The following DAB2IP variants were observed in gnomAD, a reference collection of about 807,000 sequenced individuals.
DAB2IP encodes the protein DAB2 interacting protein, also known as disabled homolog 2-interacting protein.
DAB2IP carries 28 observed loss-of-function variants against 107.2 expected under a neutral mutation model. The observed-to-expected ratio is 0.26, with a 90% CI of 0.19 to 0.36. DAB2IP has a LOEUF of 0.36. Ranked by LOEUF, DAB2IP falls within the 10% of genes least tolerant of loss-of-function variation. The probability of loss-of-function intolerance (pLI) is 1.00; values close to 1 mark genes in which losing one functional copy is unlikely to be tolerated. For missense variants in DAB2IP, 1,400 were observed against 1,644.7 expected, an observed-to-expected ratio of 0.85 and a Z score of 2.57; for synonymous variants, 755 against 706.4, an observed-to-expected ratio of 1.07 and a Z score of -1.09.
intron 1 of DAB2IP, among the ~76,000 whole-genome samples, chr9:121,572,785 C>G (rs520533): frequency 0.3 from 46,099 of 151,414 alleles, 7,773 homozygotes; most frequent in African/African-American, 0.4. Flanking sequence ...CGTACAGGAG[C>G]GGGGGTTGGG....
At chr9:121,666,867 A>AACACAC (rs59290421) in intron 1 of DAB2IP, among the ~76,000 whole-genome samples, 2,777 of 128,588 alleles carry the variant, frequency 0.022, 42 homozygotes, top group Middle Eastern at 0.037. Context: ...CCCCAGCCCC[A>AACACAC]ACACACACAC....
chr9:121,624,961 C>A (rs943874353), intron 1 of DAB2IP, among the ~76,000 whole-genome samples: 8 of 152,176 alleles, frequency 5.3e-5, no homozygotes, highest in African/African-American at 1.7e-4. Context: ...TATAAACAGG[C>A]CTTCCTGGGC....
At chr9:121,753,042 C>G (rs1833232550) in intron 3 of DAB2IP, 1 of 152,130 alleles carries the variant, frequency 6.6e-6, no homozygotes, top group Non-Finnish European at 1.5e-5. Context: ...CTCTTGGGCT[C>G]GTGGAGATTC....
At chr9:121,682,014 A>C (rs1828626285) in intron 2 of DAB2IP, among the ~76,000 whole-genome samples, 1 of 152,214 alleles carries the variant, frequency 6.6e-6, no homozygotes, top group Admixed American at 6.5e-5. Context: ...GTAAAACATC[A>C]GTAAAGATCT....
At chr9:121,716,473 A>T (rs1028833089) in intron 3 of DAB2IP, among the ~76,000 whole-genome samples, 1 of 152,230 alleles carries the variant, frequency 6.6e-6, no homozygotes, top group African/African-American at 2.4e-5. Flanking sequence ...CGAGAGGCTA[A>T]GTGTTTATGT....
At chr9:121,753,514 C>T (rs529550447) in intron 3 of DAB2IP, among the ~76,000 whole-genome samples, 20 of 152,314 alleles carry the variant, frequency 1.3e-4, no homozygotes, top group African/African-American at 4.6e-4. Flanking sequence ...GGGCATCAGC[C>T]CCCAGATACC....
At chr9:121,694,097 G>C (rs932738399) in intron 2 of DAB2IP, among the ~76,000 whole-genome samples, 1 of 152,164 alleles carries the variant, frequency 6.6e-6, no homozygotes, top group Non-Finnish European at 1.5e-5. Flanking sequence ...GGAGTGAGCG[G>C]GCCTCCCTTT....
At chr9:121,779,645 C>CGGGTCCTCTGTGATTCCCAGTGT (rs1835450611) in intron 14 of DAB2IP, among the ~76,000 whole-genome samples, 1 of 152,322 alleles carries the variant, frequency 6.6e-6, no homozygotes, top group East Asian at 1.9e-4. Context: ...TTTCCTTCCC[C>CGGGTCCTCTGTGATTCCCAGTGT]GGGTCCTCTG....
At chr9:121,739,080 T>A (rs569820344) in intron 3 of DAB2IP, among the ~76,000 whole-genome samples, 1 of 152,360 alleles carries the variant, frequency 6.6e-6, no homozygotes, top group African/African-American at 2.4e-5. Flanking sequence ...ATTTGCTAGC[T>A]GCATGAGCAA....
chr9:121,686,681 G>T (rs767285436), intron 2 of DAB2IP, among the ~76,000 whole-genome samples: 1 of 152,148 alleles, frequency 6.6e-6, no homozygotes, highest in Admixed American at 6.5e-5. Context: ...GCTCAGGCAA[G>T]TTGCCCCACT....
chr9:121,752,916 G>T (rs1031441604), intron 3 of DAB2IP: 2 of 152,250 alleles, frequency 1.3e-5, no homozygotes, highest in African/African-American at 4.8e-5. Context: ...ATGGACCCAA[G>T]AGGTTTGGGT....
rs756267555 is a variant in DAB2IP, at chr9:121,635,500, C to T, written c.41-43178C>T. On this transcript the variant is annotated intron_variant, in intron 1 of 16. Transcript: ENST00000259371. This position sits in a 1 kb window ranked among gnomAD's most constrained non-coding sequence, Gnocchi z 4.3. ...TGTGGACCTACTGTGTGCTTAGCCC[C>T]GTGCAGGGCCTGGGCATGGAAACGG... Among the ~76,000 whole-genome samples, 5 of 152,198 alleles carry T rather than the reference C, an allele frequency of 3.3e-5. No individual in the cohort carries two copies. The highest frequency in any genetic ancestry group is 1.2e-4 in the African/African-American group (5 of 41,452).
At chr9:121,617,889 C>A (rs1281715462) in intron 1 of DAB2IP, among the ~76,000 whole-genome samples, 5 of 152,194 alleles carry the variant, frequency 3.3e-5, no homozygotes, top group Non-Finnish European at 5.9e-5. Flanking sequence ...GCCGGTTTCT[C>A]TGGTTCCATT....
chr9:121,774,430 C>A lies in DAB2IP; in HGVS notation c.3120+18C>A. ...CAGAAAAGGTAAAACTGGACCCTGGCGGCTCGGGACAGGGCGGGGCTGCCT... is the reference window on the plus strand; with the variant it reads ...CAGAAAAGGTAAAACTGGACCCTGGAGGCTCGGGACAGGGCGGGGCTGCCT... On this transcript the variant is annotated intron_variant, in intron 13 of 15. Coordinates refer to ENST00000408936, the Ensembl canonical transcript of DAB2IP. 1.9e-6 allele frequency: 3 copies of A among 1,599,998 alleles called. No homozygotes were observed. The highest frequency in any genetic ancestry group is 1.7e-4 in the Middle Eastern group (1 of 5,992).
chr9:121,774,106 G>T (rs982929932), intron 12 of DAB2IP, among the ~76,000 whole-genome samples, 154 bp from the exon 13 acceptor site: 1 of 152,174 alleles, frequency 6.6e-6, no homozygotes, highest in Non-Finnish European at 1.5e-5. Context: ...GTTCCCGGGT[G>T]GGGACTGCCT....
At chr9:121,642,049 T>TC (rs1832367327) in intron 1 of DAB2IP, among the ~76,000 whole-genome samples, 4 of 44,376 alleles carry the variant, frequency 9.0e-5, no homozygotes, top group South Asian at 2.3e-3. Context: ...CTTTCTTTCT[T>TC]TCTTTCTTTC....
rs574619465 is a variant in DAB2IP, at chr9:121,751,931, T to C, written c.363-5082T>C. On this transcript the variant is annotated intron_variant, in intron 3 of 15. Coordinates refer to ENST00000408936, the Ensembl canonical transcript of DAB2IP. ...TGTCCCGTGTGTGACCTGGATGTCA[T>C]GGTGCCACCTCCTTCCTGGGAGCAG... 144 of 985,484 alleles carry C rather than the reference T, an allele frequency of 1.5e-4. 1 individual carries two copies. In the African/African-American group the frequency reaches 2.2e-3, roughly 15 times the overall value. 61.0% of individuals were successfully genotyped at this position (985,484 alleles called of 1,614,324 possible).
chr9:121,674,011 G>A (rs1283707082), intron 1 of DAB2IP, among the ~76,000 whole-genome samples: 1 of 152,238 alleles, frequency 6.6e-6, no homozygotes, highest in Non-Finnish European at 1.5e-5. Context: ...GGCTGCTTAT[G>A]AAGGCGTGGG....
At chr9:121,748,605 C>T (rs1303775659) in intron 3 of DAB2IP, among the ~76,000 whole-genome samples, 2 of 152,210 alleles carry the variant, frequency 1.3e-5, no homozygotes, top group Non-Finnish European at 2.9e-5. Flanking sequence ...GCCTTTTGTG[C>T]AGAGTTGTTG....
Sources: allele counts gnomAD v4.1 joint callset (sites outside exome capture counted in the v4.1 genomes callset), GRCh38; gene constraint gnomAD v4.1.1; non-coding constraint Gnocchi (gnomAD v3.1); transcripts MANE v1.5; gene names NCBI Gene and HGNC (gene_info 2026-07-23, HGNC 2026-07-21).